The following BRCA1 variants were observed in gnomAD, a reference collection of about 807,000 sequenced individuals.
BRCA1 encodes breast cancer type 1 susceptibility protein.
Under a neutral mutation model 173.7 loss-of-function variants are expected in BRCA1, and 140 were observed. The observed-to-expected ratio is 0.81, with a 90% CI of 0.70 to 0.93. The LOEUF (loss-of-function observed/expected upper bound fraction) is 0.93. Ranked by LOEUF, BRCA1 falls within the 40% of genes least tolerant of loss-of-function variation. The pLI is 0.00. For missense variants in BRCA1, 1,983 were observed against 2,172.5 expected (o/e 0.91, Z 1.73); for synonymous variants, 662 against 756.0 (o/e 0.88, Z 2.04).
chr17:43,077,985 T>G (rs1457501749), intron 12 of BRCA1, among the ~76,000 whole-genome samples: 1 of 152,118 alleles, frequency 6.6e-6, no homozygotes, highest in Non-Finnish European at 1.5e-5. Context: ...TCTGCCTGCC[T>G]CGGCCTCCCA....
At chr17:43,134,817 T>A (rs2056002280) in intron 1 of BRCA1, among the ~76,000 whole-genome samples, 1 of 152,194 alleles carries the variant, frequency 6.6e-6, no homozygotes, top group African/African-American at 2.4e-5. Flanking sequence ...GCTGGTTTTA[T>A]ATTTGAAAGC....
chr17:43,146,874 T>C (rs1021224387), intron 1 of BRCA1, among the ~76,000 whole-genome samples: 2 of 152,110 alleles, frequency 1.3e-5, no homozygotes, highest in African/African-American at 4.8e-5. Context: ...AGGTTTTGAC[T>C]CTTGAAAGGA....
intron 3 of BRCA1, chr17:43,112,640 C>T (rs2055089190): frequency 6.8e-6 from 1 of 147,514 alleles, no homozygotes; most frequent in Admixed American, 6.8e-5. Flanking sequence ...ATATGTGTCA[C>T]ACACACACAT....
At chr17:43,142,992 G>GTATATATGTATATATGTGTGCA (rs1364025672) in intron 1 of BRCA1, among the ~76,000 whole-genome samples, 11 of 146,060 alleles carry the variant, frequency 7.5e-5, no homozygotes, top group Non-Finnish European at 1.3e-4. Context: ...ATATATATAT[G>GTATATATGTATATATGTGTGCA]TATATATGTA....
intron 14 of BRCA1, 35 bp from the exon 15 acceptor site, chr17:43,071,273 G>T (rs1162815279): frequency 1.3e-6 from 2 of 1,597,646 alleles, no homozygotes; most frequent in Non-Finnish European, 1.7e-6. Flanking sequence ...TTTACACAAC[G>T]ATGAATGTTG....
At chr17:43,131,676 G>A (rs954788579) in intron 1 of BRCA1, among the ~76,000 whole-genome samples, 3 of 151,494 alleles carry the variant, frequency 2.0e-5, no homozygotes, top group South Asian at 4.2e-4. Flanking sequence ...AGCCGAGATC[G>A]TGCCACTGCA....
In BRCA1 at chr17:43,105,000, C is replaced by T. The variant is rs374257806; in HGVS notation, c.213-44G>A. 1.1e-5 allele frequency: 17 copies of T among 1,500,090 alleles called. No homozygotes were observed. Among genetic ancestry groups the T allele is most frequent in the East Asian group, 6.8e-5 (3 of 44,258 alleles). The allele number at this position is 1,500,090 out of a possible 1,614,324, so 92.9% of individuals were successfully genotyped here. A position where few individuals can be genotyped will look rare whatever the true frequency, so the allele number is the denominator to read the frequency against. ...AGAAACACACTCAGCAAGTGATTATCAACCTTTTAAGGACACTAAAATAAG... is the reference window on the plus strand; with the variant it reads ...AGAAACACACTCAGCAAGTGATTATTAACCTTTTAAGGACACTAAAATAAG... On this transcript the variant is annotated intron_variant, in intron 4 of 22. Coordinates refer to ENST00000357654, the MANE Select transcript of BRCA1 (RefSeq NM_007294.4).
chr17:43,127,520 A>G (rs565257861), upstream of BRCA1, among the ~76,000 whole-genome samples: 12 of 152,282 alleles, frequency 7.9e-5, no homozygotes, highest in East Asian at 2.1e-3. Context: ...AAACGCACCA[A>G]TCAGTGCTCT....
chr17:43,089,908 G>A (rs1386701660), intron 11 of BRCA1, among the ~76,000 whole-genome samples: 1 of 151,820 alleles, frequency 6.6e-6, no homozygotes, highest in Non-Finnish European at 1.5e-5. Context: ...TCGGGAAGCT[G>A]AGGTAGGAGG....
At chr17:43,047,547 G>A (rs2050966887) in intron 22 of BRCA1, 96 bp downstream of exon 22, 2 of 1,201,792 alleles carry the variant, frequency 1.7e-6, no homozygotes, top group African/African-American at 1.5e-5. Flanking sequence ...TTTAAAATGT[G>A]CCAAGAACTG....
At chr17:43,098,880 C>T (rs1231610567) in intron 7 of BRCA1, among the ~76,000 whole-genome samples, 9 of 147,214 alleles carry the variant, frequency 6.1e-5, no homozygotes, top group African/African-American at 1.0e-4. Flanking sequence ...TGCAATGGTG[C>T]GATCTTGGCT....
chr17:43,060,341 C>T (rs1407263535), intron 18 of BRCA1, among the ~76,000 whole-genome samples: 1 of 152,038 alleles, frequency 6.6e-6, no homozygotes, highest in African/African-American at 2.4e-5. Context: ...CACACCCAGC[C>T]GTGCCCAGCT....
intron 1 of BRCA1, among the ~76,000 whole-genome samples, chr17:43,168,428 G>T (rs369034726): frequency 6.6e-6 from 1 of 152,146 alleles, no homozygotes; most frequent in Non-Finnish European, 1.5e-5. Context: ...ACCTGAGGTC[G>T]GGAGTTCAAG....
At chr17:43,096,312 C>A (rs536073275) in intron 8 of BRCA1, among the ~76,000 whole-genome samples, 2 of 140,458 alleles carry the variant, frequency 1.4e-5, no homozygotes, top group Non-Finnish European at 3.0e-5. Context: ...GGGAGGCAGA[C>A]GTTGCGGAGA....
chr17:43,064,450 G>A (rs186194733), intron 16 of BRCA1, among the ~76,000 whole-genome samples: 213 of 152,324 alleles, frequency 1.4e-3, no homozygotes, highest in Middle Eastern at 3.4e-3. Context: ...ATTCCCCTGA[G>A]AGGGATGGGA....
At chr17:43,122,909 T>C (rs1408790214) in intron 2 of BRCA1, among the ~76,000 whole-genome samples, 1 of 150,738 alleles carries the variant, frequency 6.6e-6, no homozygotes, top group African/African-American at 2.5e-5. Flanking sequence ...TACAAAAAAT[T>C]AGCCGGGCGT....
Position 43,093,905 on chromosome 17 carries a change from A to G in BRCA1, c.1626T>C (p.Asn542=), listed in dbSNP as rs1281191417. ...INQGTNQTEQ[N]GQVMNITNSG... ...TATTAGTAATATTCATCACTTGACC[A>G]TTCTGCTCCGTTTGGTTAGTTCCCT... The change falls in exon 10 of 23, where the codon AAT becomes AAC. Residue 542 remains asparagine, a synonymous_variant. Transcript: ENST00000357654. 6.2e-7 allele frequency: 1 copy of G among 1,613,926 alleles called. No individual in the cohort carries two copies. Among genetic ancestry groups the G allele is most frequent in the Admixed American group, 1.7e-5 (1 of 59,992 alleles).
chr17:43,109,973 C>A (rs987740295), intron 3 of BRCA1, among the ~76,000 whole-genome samples: 1 of 151,782 alleles, frequency 6.6e-6, no homozygotes, highest in African/African-American at 2.4e-5. Flanking sequence ...CTGCTCACTG[C>A]AAGCTCTGCC....
intron 1 of BRCA1, chr17:43,138,328 AT>A (rs2056044795): frequency 2.5e-6 from 1 of 407,632 alleles, no homozygotes. Context: ...CTCAGCTTTC[AT>A]TCCAGTGAAA....
Sources: gnomAD v4.1 joint callset for allele counts (sites outside exome capture counted in the v4.1 genomes callset) on GRCh38, gnomAD v4.1.1 for gene constraint, MANE v1.5 for transcripts, NCBI Gene and HGNC (gene_info 2026-07-23, HGNC 2026-07-21) for gene names.